The following ST3GAL2 variants were observed in gnomAD, a reference collection of about 807,000 sequenced individuals.
ST3GAL2 encodes CMP-N-acetylneuraminate-beta-galactosamide-alpha-2,3-sialyltransferase 2.
ST3GAL2 carries 16 observed loss-of-function variants against 37.5 expected under a neutral mutation model. That is an observed-to-expected ratio of 0.43 (90% CI 0.29 to 0.65). The LOEUF (loss-of-function observed/expected upper bound fraction) is 0.65, where lower values mean the gene tolerates loss of function less well. Among genes scored for constraint, ST3GAL2 ranks in the 30% least tolerant of loss-of-function variants. The pLI is 0.17. For synonymous variants in ST3GAL2, 238 were observed against 202.9 expected, an observed-to-expected ratio of 1.17 and a Z score of -1.47; for missense variants, 383 against 487.8, an observed-to-expected ratio of 0.79 and a Z score of 2.02.
intron 1 of ST3GAL2, among the ~76,000 whole-genome samples, chr16:70,402,675 G>A (rs1002373936): frequency 6.6e-6 from 1 of 152,120 alleles, no homozygotes; most frequent in East Asian, 1.9e-4. Context: ...TTTTGAGACG[G>A]AGTCTTGCTC....
intron 1 of ST3GAL2, chr16:70,400,067 C>T (rs1037940070): frequency 3.3e-5 from 5 of 152,474 alleles, no homozygotes; most frequent in East Asian, 1.9e-4. Context: ...CTGTCAGCTC[C>T]GCCGTTGGGG....
rs1402675271 is a variant in ST3GAL2 at position 70,383,274 on chromosome 16, G to A, written c.714-39C>T. 3 of 1,582,690 alleles carry A rather than the reference G, an allele frequency of 1.9e-6. No individual in the cohort carries two copies. The East Asian group carries it at 6.8e-5, about 36-fold the overall frequency. Reference sequence around the variant, plus strand: ...GAAAGAAAGATAACATTTCAGGCTGGGCACGGTGGCTCACACCTGTAATCC... The same window carrying A: ...GAAAGAAAGATAACATTTCAGGCTGAGCACGGTGGCTCACACCTGTAATCC... On this transcript the variant is annotated intron_variant, in intron 4 of 6. Coordinates refer to ENST00000342907, the MANE Select transcript of ST3GAL2 (RefSeq NM_006927.4).
At chr16:70,412,019 C>T (rs945928135) in intron 1 of ST3GAL2, among the ~76,000 whole-genome samples, 1 of 151,894 alleles carries the variant, frequency 6.6e-6, no homozygotes, top group Admixed American at 6.6e-5. Flanking sequence ...ATAGTTAATT[C>T]AATTTACCAA....
intron 1 of ST3GAL2, among the ~76,000 whole-genome samples, chr16:70,412,103 T>C (rs1173190391): frequency 1.3e-5 from 2 of 152,228 alleles, no homozygotes; most frequent in Non-Finnish European, 2.9e-5. Flanking sequence ...ACTTTTCTTC[T>C]TACTGAAGTA....
At chr16:70,438,750 G>A (rs1444155500) in intron 1 of ST3GAL2, among the ~76,000 whole-genome samples, 199 bp downstream of exon 1, 2 of 152,212 alleles carry the variant, frequency 1.3e-5, no homozygotes, top group Admixed American at 6.5e-5. Flanking sequence ...AGCAGAAGGC[G>A]GGGATCCGGA....
chr16:70,423,366 TG>T (rs930814371), intron 1 of ST3GAL2, among the ~76,000 whole-genome samples: 10 of 152,020 alleles, frequency 6.6e-5, no homozygotes, highest in African/African-American at 2.2e-4. Flanking sequence ...AAAAATTAGC[TG>T]GGCGTGGTGG....
chr16:70,398,590 C>T lies in ST3GAL2; in HGVS notation c.-60G>A. On this transcript the variant is annotated 5_prime_UTR_variant, in exon 2 of 7. An upstream open reading frame in the 5' UTR gains an earlier in-frame stop. Coordinates refer to ENST00000342907, the MANE Select transcript of ST3GAL2 (RefSeq NM_006927.4). The stretch of plus-strand genomic sequence containing the variant: ...CTCTTTTCCCAGCCCGCTGAGGGGC[C>T]AGCCACGGCGTAGCCTGCCTATTCT... The T allele has an allele frequency of 1.4e-6, 2 of 1,478,430 alleles. No homozygotes were observed. The highest frequency in any genetic ancestry group is 1.8e-6 in the Non-Finnish European group (2 of 1,103,160). 91.6% of individuals were successfully genotyped at this position (1,478,430 alleles called of 1,614,324 possible).
chr16:70,421,628 A>T (rs2047715305), intron 1 of ST3GAL2, among the ~76,000 whole-genome samples: 1 of 152,146 alleles, frequency 6.6e-6, no homozygotes, highest in African/African-American at 2.4e-5. Context: ...CGCCCACATG[A>T]TGGTGCTATC....
Position 70,417,508 on chromosome 16 carries a change from C to T in ST3GAL2, c.-1003-17975G>A, listed in dbSNP as rs191979227. On this transcript the variant is annotated intron_variant, in intron 1 of 6. Coordinates refer to ENST00000342907, the MANE Select transcript of ST3GAL2 (RefSeq NM_006927.4). ...CCAGCCCCCACTTTAGCACACCCTG[C>T]AGAGCAGAGGCCTGACCTGAGCTGG... 2.0e-4 allele frequency among the ~76,000 whole-genome samples: 30 copies of T among 152,370 alleles called. 1 individual carries two copies. Among genetic ancestry groups the T allele is most frequent in the South Asian group, 8.3e-4 (4 of 4,832 alleles).
intron 1 of ST3GAL2, among the ~76,000 whole-genome samples, chr16:70,406,433 C>T (rs572417125): frequency 1.4e-4 from 21 of 152,070 alleles, no homozygotes; most frequent in Non-Finnish European, 2.4e-4. Context: ...AATGCTTGAA[C>T]CCAGGAGGTG....
chr16:70,418,014 T>C (rs1187198692), intron 1 of ST3GAL2, among the ~76,000 whole-genome samples: 1 of 152,176 alleles, frequency 6.6e-6, no homozygotes, highest in Admixed American at 6.5e-5. Flanking sequence ...CTGATCTTGG[T>C]CACACCGTAG....
chr16:70,413,677 A>G, intron 1 of ST3GAL2, among the ~76,000 whole-genome samples: 1 of 151,222 alleles, frequency 6.6e-6, no homozygotes, highest in Non-Finnish European at 1.5e-5. Context: ...CGGAGGTTGC[A>G]GTGAGTAGAG....
intron 1 of ST3GAL2, among the ~76,000 whole-genome samples, chr16:70,429,409 C>T (rs987651848): frequency 2.6e-5 from 4 of 151,858 alleles, no homozygotes; most frequent in Non-Finnish European, 2.9e-5. Context: ...CTGGCTAACA[C>T]GGTGAAACAC....
Position 70,388,539 on chromosome 16 carries a change from G to A in ST3GAL2, c.541C>T (p.Gln181Ter). Residue 181 changes from glutamine (Q) to a stop codon, truncating the protein, a stop_gained, in exon 4 of 7, where the codon CAG (glutamine) becomes TAG (stop). Transcript: ENST00000342907. LOFTEE classifies it high-confidence loss of function. ...TGCTCAAAGCCCACGGTTGGCGCCT[G>A]ATTCATCCTGCAGGGACAAGAGGGT... ...DGHNFIMRMN[Q>*]APTVGFEQDV... is the part of the protein sequence containing the mutation. 1.3e-6 allele frequency: 2 copies of A among 1,589,032 alleles called. No individual in the cohort carries two copies. The highest frequency in any genetic ancestry group is 8.6e-7 in the Non-Finnish European group (1 of 1,165,764).
At chr16:70,389,555 C>T (rs2047468329) in intron 3 of ST3GAL2, among the ~76,000 whole-genome samples, 1 of 152,106 alleles carries the variant, frequency 6.6e-6, no homozygotes, top group Admixed American at 6.6e-5. Flanking sequence ...ACCTCCACCT[C>T]CTGGGTTCAA....
chr16:70,418,736 G>T (rs1003621089), intron 1 of ST3GAL2, among the ~76,000 whole-genome samples: 15 of 152,276 alleles, frequency 9.9e-5, no homozygotes, highest in Admixed American at 2.0e-4. Context: ...GACCAGGTTG[G>T]GGGTGAGAGG....
At chr16:70,402,207 G>A (rs536988760) in intron 1 of ST3GAL2, among the ~76,000 whole-genome samples, 5 of 147,386 alleles carry the variant, frequency 3.4e-5, no homozygotes, top group Admixed American at 2.1e-4. Flanking sequence ...GCTGAGGCAG[G>A]AGAATCGCTT....
chr16:70,424,914 G>A (rs2047739987), intron 1 of ST3GAL2, among the ~76,000 whole-genome samples: 1 of 152,172 alleles, frequency 6.6e-6, no homozygotes, highest in Non-Finnish European at 1.5e-5. Context: ...ACTCTGATAT[G>A]GAGTCTGTGT....
In ST3GAL2 at chr16:70,399,264, G is replaced by A. The variant is rs749645725; in HGVS notation, c.-734C>T. 29 of 398,804 alleles carry A rather than the reference G, an allele frequency of 7.3e-5. No individual in the cohort carries two copies. The highest frequency in any genetic ancestry group is 1.1e-4 in the Non-Finnish European group (26 of 226,300). 24.7% of individuals were successfully genotyped at this position (398,804 alleles called of 1,614,324 possible). Reference sequence around the variant, plus strand: ...TGGCCCCAGCCCCAGCTGCAGTTGCGTAGGGGTCGCAAAGCTCCTACTGTG... The same window carrying A: ...TGGCCCCAGCCCCAGCTGCAGTTGCATAGGGGTCGCAAAGCTCCTACTGTG... On this transcript the variant is annotated 5_prime_UTR_variant, in exon 2 of 7. The change creates a new upstream start codon in the 5' untranslated region. Transcript: ENST00000342907.
Sources: allele counts gnomAD v4.1 joint callset (sites outside exome capture counted in the v4.1 genomes callset), GRCh38; gene constraint gnomAD v4.1.1; transcripts MANE v1.5; gene names NCBI Gene and HGNC (gene_info 2026-07-23, HGNC 2026-07-21).